Variants in BCL2 observed in about 807,000 individuals in gnomAD.
The protein encoded by BCL2 is BCL2 apoptosis regulator.
BCL2 carries 1 observed loss-of-function variant against 14.2 expected under a neutral mutation model. That is an observed-to-expected ratio of 0.07 (90% CI 0.02 to 0.33). The LOEUF (loss-of-function observed/expected upper bound fraction) is 0.33. Ranked by LOEUF, BCL2 falls within the 10% of genes least tolerant of loss-of-function variation. BCL2 has a pLI of 0.99. For synonymous variants in BCL2, 151 were observed against 137.2 expected, an observed-to-expected ratio of 1.10 and a Z score of -0.70; for missense variants, 247 against 305.9, an observed-to-expected ratio of 0.81 and a Z score of 1.44.
At position 63,318,771 on chromosome 18, in the gene BCL2, G is replaced by A; in HGVS notation, c.-105C>T. On this transcript the variant is annotated 5_prime_UTR_variant, in exon 2 of 3. It introduces an in-frame stop codon into an upstream open reading frame of the 5' UTR. Coordinates refer to ENST00000333681, the MANE Select transcript of BCL2 (RefSeq NM_000633.3). This position sits in a 1 kb window ranked among gnomAD's most constrained non-coding sequence, Gnocchi z 7.4. The stretch of plus-strand genomic sequence containing the variant: ...GGAGTTATAATCCAGCTATTTTATT[G>A]GATGTGCTTTGCATTCTTGGACGAG... 6.5e-7 allele frequency: 1 copy of A among 1,528,468 alleles called. No individual in the cohort carries two copies. Among genetic ancestry groups the A allele is most frequent in the Admixed American group, 2.1e-5 (1 of 47,030 alleles). The allele number at this position is 1,528,468 out of a possible 1,614,324, so 94.7% of individuals were successfully genotyped here.
intron 2 of BCL2, among the ~76,000 whole-genome samples, chr18:63,256,298 C>T (rs1911474146): frequency 6.6e-6 from 1 of 152,192 alleles, no homozygotes; most frequent in Non-Finnish European, 1.5e-5. Flanking sequence ...CTCACTGCAA[C>T]CTCCACCTTC....
intron 2 of BCL2, among the ~76,000 whole-genome samples, chr18:63,174,752 G>C (rs8097683): frequency 1.3e-5 from 2 of 149,182 alleles, no homozygotes; most frequent in Admixed American, 6.7e-5. Context: ...CCCAGGAGGC[G>C]GAAGTTGCAG....
chr18:63,132,672 G>C (rs1914099303), intron 2 of BCL2, among the ~76,000 whole-genome samples: 1 of 152,154 alleles, frequency 6.6e-6, no homozygotes, highest in African/African-American at 2.4e-5. Context: ...AGACCCTGCG[G>C]CTTCGGGACT....
At chr18:63,301,795 G>A (rs190049301) in intron 2 of BCL2, among the ~76,000 whole-genome samples, 1 of 152,094 alleles carries the variant, frequency 6.6e-6, no homozygotes, top group Non-Finnish European at 1.5e-5. Context: ...GCCTGTCCAC[G>A]GCACAGAATC....
intron 2 of BCL2, among the ~76,000 whole-genome samples, chr18:63,187,711 T>G (rs1915622360): frequency 6.6e-6 from 1 of 152,224 alleles, no homozygotes; most frequent in South Asian, 2.1e-4. Context: ...CTAGTATTGT[T>G]GTTGTTACCT....
chr18:63,173,187 C>T (rs563452234), intron 2 of BCL2, among the ~76,000 whole-genome samples: 1 of 151,998 alleles, frequency 6.6e-6, no homozygotes, highest in African/African-American at 2.4e-5. Flanking sequence ...CTTGAAATAA[C>T]CTTTCACAAC....
chr18:63,188,479 A>G lies in BCL2; in HGVS notation c.586-59720T>C, dbSNP rs1915644739. On this transcript the variant is annotated intron_variant, in intron 2 of 2. Transcript: ENST00000333681. ...TCTTCAACACTACTGAAGAAACAGT[A>G]AAATAATCAGTTTGGAAATTATGAA... Among the ~76,000 whole-genome samples the G allele has an allele frequency of 3.3e-5, 5 of 152,246 alleles. No homozygotes were observed. The South Asian group carries it at 1.0e-3, about 32-fold the overall frequency.
intron 2 of BCL2, among the ~76,000 whole-genome samples, chr18:63,165,239 C>T (rs1474087920): frequency 6.6e-6 from 1 of 152,182 alleles, no homozygotes; most frequent in East Asian, 1.9e-4. Flanking sequence ...GAATTTACAA[C>T]CCAAGGGAGG....
At chr18:63,190,952 GT>G (rs1372656595) in intron 2 of BCL2, among the ~76,000 whole-genome samples, 1 of 152,176 alleles carries the variant, frequency 6.6e-6, no homozygotes, top group Non-Finnish European at 1.5e-5. Flanking sequence ...AACATGCAGT[GT>G]TTGGTTTTCT....
chr18:63,281,574 G>A (rs77319185), intron 2 of BCL2, among the ~76,000 whole-genome samples: 1 of 151,772 alleles, frequency 6.6e-6, no homozygotes, highest in African/African-American at 2.4e-5. Flanking sequence ...GGCTGAGGCA[G>A]GAGGAGTTCT....
chr18:63,280,300 T>G (rs1912273183), intron 2 of BCL2, among the ~76,000 whole-genome samples: 1 of 152,172 alleles, frequency 6.6e-6, no homozygotes, highest in Non-Finnish European at 1.5e-5. Flanking sequence ...AGTTTCCGTA[T>G]CTATTAAATG....
chr18:63,275,385 A>G (rs537888377), intron 2 of BCL2, among the ~76,000 whole-genome samples: 51 of 152,306 alleles, frequency 3.3e-4, no homozygotes, highest in South Asian at 6.2e-4. Context: ...CCTTCACTCA[A>G]CAACAGCAAG....
intron 2 of BCL2, among the ~76,000 whole-genome samples, chr18:63,179,180 G>T (rs528570431): frequency 1.3e-5 from 2 of 152,154 alleles, no homozygotes; most frequent in Non-Finnish European, 2.9e-5. Context: ...TTCTGCAATG[G>T]AGAGTGGGAA....
At chr18:63,315,218 A>G (rs1194500762) in intron 2 of BCL2, 1 of 152,282 alleles carries the variant, frequency 6.6e-6, no homozygotes, top group African/African-American at 2.4e-5. Context: ...TCTATAAGCC[A>G]CACTGAGCAG....
intron 2 of BCL2, among the ~76,000 whole-genome samples, chr18:63,184,005 T>C (rs1202021613): frequency 2.0e-5 from 3 of 152,128 alleles, no homozygotes; most frequent in African/African-American, 7.2e-5. Flanking sequence ...CACAGACGCA[T>C]GACAGAGCAG....
chr18:63,269,187 CAATT>C (rs1334372367), intron 2 of BCL2, among the ~76,000 whole-genome samples: 2 of 152,008 alleles, frequency 1.3e-5, no homozygotes, highest in Non-Finnish European at 2.9e-5. Context: ...CTCCTGGGCT[CAATT>C]AATCCTACCA....
chr18:63,211,564 G>A (rs2144674312), intron 2 of BCL2, among the ~76,000 whole-genome samples: 1 of 152,268 alleles, frequency 6.6e-6, no homozygotes, highest in South Asian at 2.1e-4. Flanking sequence ...CAGGTGCACT[G>A]TCATTTTGGT....
chr18:63,160,749 G>A (rs192450428), intron 2 of BCL2, among the ~76,000 whole-genome samples: 1 of 151,380 alleles, frequency 6.6e-6, no homozygotes, highest in Non-Finnish European at 1.5e-5. Context: ...TTGTTCTAGT[G>A]ACCTGTCAAA....
chr18:63,167,376 C>T (rs1213707460), intron 2 of BCL2, among the ~76,000 whole-genome samples: 2 of 152,178 alleles, frequency 1.3e-5, no homozygotes, highest in African/African-American at 4.8e-5. Context: ...CTCTCTAAGT[C>T]AGATTTCTCT....
Sources: allele counts gnomAD v4.1 joint callset (sites outside exome capture counted in the v4.1 genomes callset), GRCh38; gene constraint gnomAD v4.1.1; non-coding constraint Gnocchi (gnomAD v3.1); transcripts MANE v1.5; gene names NCBI Gene and HGNC (gene_info 2026-07-23, HGNC 2026-07-21).